The following C12orf42 variants were observed in gnomAD, a reference collection of about 807,000 sequenced individuals.
C12orf42 encodes chromosome 12 open reading frame 42.
In C12orf42, 25 loss-of-function variants were observed where a neutral mutation model predicts 21.6. That is an observed-to-expected ratio of 1.16 (90% CI 0.84 to 1.62). The LOEUF is 1.62. C12orf42 is among the 40% of genes most tolerant of loss of function. The pLI, the probability that C12orf42 is intolerant of heterozygous loss-of-function variation, is 0.00. For synonymous variants in C12orf42, 174 were observed against 175.0 expected, an observed-to-expected ratio of 0.99 and a Z score of 0.05; for missense variants, 483 against 459.3, an observed-to-expected ratio of 1.05 and a Z score of -0.47.
At chr12:103,369,783 A>T (rs1014028505) in intron 3 of C12orf42, among the ~76,000 whole-genome samples, 2 of 152,154 alleles carry the variant, frequency 1.3e-5, no homozygotes, top group African/African-American at 4.8e-5. Context: ...ACCCAGAAAG[A>T]TAACCTAGGC....
chr12:103,540,234 C>T, the C12orf42 span, among the ~76,000 whole-genome samples: 2 of 152,174 alleles, frequency 1.3e-5, no homozygotes, highest in Admixed American at 1.3e-4. Flanking sequence ...TCTCGAACTC[C>T]TGACCTCATG....
intron 4 of C12orf42, among the ~76,000 whole-genome samples, chr12:103,351,377 T>C (rs1234459481): frequency 6.6e-6 from 1 of 152,138 alleles, no homozygotes; most frequent in African/African-American, 2.4e-5. Flanking sequence ...AATCTTCTTC[T>C]ACCACATGGC....
the C12orf42 span, among the ~76,000 whole-genome samples, chr12:103,213,650 C>T: frequency 3.3e-5 from 5 of 152,108 alleles, no homozygotes; most frequent in Admixed American, 1.3e-4. Flanking sequence ...TTAGTTTTCT[C>T]GAGGAGATTC....
intron 4 of C12orf42, among the ~76,000 whole-genome samples, chr12:103,282,903 A>G (rs923317612): frequency 1.3e-5 from 2 of 152,106 alleles, no homozygotes; most frequent in African/African-American, 4.8e-5. Context: ...GACAAGAACT[A>G]CCCAAGGTCT....
At chr12:103,210,643 T>C in the C12orf42 span, among the ~76,000 whole-genome samples, 38 of 148,240 alleles carry the variant, frequency 2.6e-4, no homozygotes, top group African/African-American at 5.2e-4. Context: ...CTATTTCTTT[T>C]TTTTTTTTTT....
intron 2 of C12orf42, among the ~76,000 whole-genome samples, chr12:103,462,483 G>A (rs536969827): frequency 2.0e-4 from 30 of 152,016 alleles, no homozygotes; most frequent in Admixed American, 7.9e-4. Flanking sequence ...TGTTTGTTAT[G>A]ATATCTCAGT....
intron 2 of C12orf42, among the ~76,000 whole-genome samples, chr12:103,408,317 G>A (rs1293246369): frequency 1.3e-5 from 2 of 152,308 alleles, no homozygotes; most frequent in South Asian, 4.1e-4. Context: ...GGTCAGCAGA[G>A]TCAAGTGTTG....
chr12:103,266,464 T>C (rs947544588), downstream of C12orf42, among the ~76,000 whole-genome samples: 5 of 152,166 alleles, frequency 3.3e-5, no homozygotes, highest in South Asian at 2.1e-4. Flanking sequence ...GTCCCCTTTT[T>C]CTCTACAGTT....
the C12orf42 span, among the ~76,000 whole-genome samples, chr12:103,071,155 A>G: frequency 6.6e-6 from 1 of 152,140 alleles, no homozygotes; most frequent in Admixed American, 6.6e-5. Flanking sequence ...TTGAAATTGC[A>G]GTTTCTACCC....
the C12orf42 span, among the ~76,000 whole-genome samples, chr12:103,216,374 TC>T: frequency 2.0e-5 from 3 of 150,996 alleles, no homozygotes; most frequent in Non-Finnish European, 4.4e-5. Flanking sequence ...TACTTTTTTT[TC>T]TTTTTTTTTT....
intron 10 of C12orf42, among the ~76,000 whole-genome samples, chr12:103,252,050 C>T (rs2034333770): frequency 6.6e-6 from 1 of 152,002 alleles, no homozygotes; most frequent in African/African-American, 2.4e-5. Flanking sequence ...TTTGCTGCAC[C>T]TATCAACTCA....
chr12:103,269,396 G>A (rs1414149671), intron 6 of C12orf42, among the ~76,000 whole-genome samples: 1 of 152,050 alleles, frequency 6.6e-6, no homozygotes, highest in Non-Finnish European at 1.5e-5. Flanking sequence ...CATTGACAGG[G>A]CCATACTCAT....
chr12:103,090,619 A>G, the C12orf42 span, among the ~76,000 whole-genome samples: 1 of 152,212 alleles, frequency 6.6e-6, no homozygotes. Flanking sequence ...AGTTATAATT[A>G]CAATTCCACC....
chr12:103,338,705 C>G (rs754955375), intron 4 of C12orf42, among the ~76,000 whole-genome samples: 49 of 152,080 alleles, frequency 3.2e-4, no homozygotes, highest in Admixed American at 7.2e-4. Context: ...TCCTGGGTCC[C>G]TGGCACTTGT....
At chr12:103,256,316 A>G (rs1477591931) in intron 10 of C12orf42, among the ~76,000 whole-genome samples, 1 of 151,248 alleles carries the variant, frequency 6.6e-6, no homozygotes, top group Non-Finnish European at 1.5e-5. Context: ...TTGAATCCTC[A>G]CTTTAAAATA....
chr12:103,136,668 T>C, the C12orf42 span, among the ~76,000 whole-genome samples: 1 of 152,290 alleles, frequency 6.6e-6, no homozygotes, highest in Admixed American at 6.5e-5. Context: ...GCAAGATATT[T>C]GTATAAAAAC....
At chr12:103,268,004 T>C (rs996288024), downstream of C12orf42, 1 of 152,022 alleles carries the variant, frequency 6.6e-6, no homozygotes, top group African/African-American at 2.4e-5. Context: ...GAAAAACATA[T>C]AACAAAAAAG....
chr12:103,056,928 G>A, the C12orf42 span, among the ~76,000 whole-genome samples: 1 of 152,156 alleles, frequency 6.6e-6, no homozygotes, highest in East Asian at 1.9e-4. Flanking sequence ...GCTTGTTGAA[G>A]CATTTTAAAG....
chr12:103,089,580 G>A, the C12orf42 span, among the ~76,000 whole-genome samples: 1 of 151,736 alleles, frequency 6.6e-6, no homozygotes, highest in East Asian at 1.9e-4. Context: ...CATGAGGTGG[G>A]TGTACTTTGT....
Sources: gnomAD v4.1 joint callset for allele counts (sites outside exome capture counted in the v4.1 genomes callset) on GRCh38, gnomAD v4.1.1 for gene constraint, MANE v1.5 for transcripts, NCBI Gene and HGNC (gene_info 2026-07-23, HGNC 2026-07-21) for gene names.